FAT4: variants seen among roughly 807,000 people sequenced by gnomAD.
FAT4 encodes the protein protocadherin Fat 4.
In FAT4, 84 loss-of-function variants were observed where a neutral mutation model predicts 303.9. That is an observed-to-expected ratio of 0.28 (90% CI 0.23 to 0.33). FAT4 has a LOEUF of 0.33. Ranked by LOEUF, FAT4 falls within the 10% of genes least tolerant of loss-of-function variation. The pLI, the probability that FAT4 is intolerant of heterozygous loss-of-function variation, is 1.00. For missense variants in FAT4, 6,005 were observed against 6,146.8 expected, an observed-to-expected ratio of 0.98 and a Z score of 0.77; for synonymous variants, 2,307 against 2,298.8, an observed-to-expected ratio of 1.00 and a Z score of -0.10.
chr4:125,470,927 C>T (rs1455990474), intron 12 of FAT4, among the ~76,000 whole-genome samples: 1 of 152,140 alleles, frequency 6.6e-6, no homozygotes, highest in East Asian at 1.9e-4. Flanking sequence ...GAAATGCCTT[C>T]GTCACTAAGC....
intron 8 of FAT4, among the ~76,000 whole-genome samples, chr4:125,439,225 A>T (rs1009725751): frequency 4.6e-5 from 7 of 151,918 alleles, no homozygotes; most frequent in Non-Finnish European, 1.0e-4. Flanking sequence ...TTTTCTCCCA[A>T]CTGGACCAAA....
intron 2 of FAT4, among the ~76,000 whole-genome samples, chr4:125,337,145 A>C (rs1731607190): frequency 6.6e-6 from 1 of 152,016 alleles, no homozygotes; most frequent in Admixed American, 6.6e-5. Context: ...AGGAGATTAA[A>C]AGCAAAAGCC....
At position 125,341,406 on chromosome 4, in the gene FAT4, G is replaced by A. The variant is rs138258948; in HGVS notation, c.5175+19820G>A. Among the ~76,000 whole-genome samples, 18 of 152,154 alleles carry A rather than the reference G, an allele frequency of 1.2e-4. No individual in the cohort carries two copies. In the East Asian group the frequency reaches 2.9e-3, roughly 24 times the overall value. ...TTTTTACATTATACTTCTATTAACT[G>A]TAGAATTACTATTAGTATAGAGACC... On this transcript the variant is annotated intron_variant, in intron 2 of 17. Coordinates refer to ENST00000394329, the MANE Select transcript of FAT4 (RefSeq NM_001291303.3).
chr4:125,330,907 T>G (rs1731355207), intron 2 of FAT4, among the ~76,000 whole-genome samples: 1 of 152,150 alleles, frequency 6.6e-6, no homozygotes, highest in Non-Finnish European at 1.5e-5. Flanking sequence ...ACCTCTTTTT[T>G]CCTGATTCCC....
chr4:125,441,749 TAGTCACC>T (rs1363803312), intron 8 of FAT4, among the ~76,000 whole-genome samples: 3 of 152,196 alleles, frequency 2.0e-5, no homozygotes, highest in African/African-American at 7.2e-5. Context: ...CTTCAAATTC[TAGTCACC>T]CCATAAATGG....
intron 3 of FAT4, among the ~76,000 whole-genome samples, 157 bp downstream of exon 3, chr4:125,399,072 GT>G (rs1235659275): frequency 2.6e-5 from 4 of 152,024 alleles, no homozygotes; most frequent in African/African-American, 9.7e-5. Flanking sequence ...ACATAAAAAT[GT>G]TAAAAAAGAG....
chr4:125,433,343 G>A (rs1725343400), intron 7 of FAT4, among the ~76,000 whole-genome samples: 1 of 152,092 alleles, frequency 6.6e-6, no homozygotes, highest in Admixed American at 6.5e-5. Flanking sequence ...GAGTATCTGG[G>A]GTTTTATTTT....
intron 2 of FAT4, among the ~76,000 whole-genome samples, chr4:125,353,675 C>G (rs1373362003): frequency 1.3e-5 from 2 of 151,554 alleles, no homozygotes; most frequent in African/African-American, 4.8e-5. Flanking sequence ...TAGAAACTAT[C>G]AGTGCTGGTA....
chr4:125,355,391 C>T (rs895274623), intron 2 of FAT4, among the ~76,000 whole-genome samples: 14 of 151,846 alleles, frequency 9.2e-5, no homozygotes, highest in African/African-American at 3.4e-4. Context: ...AGAATGTGTT[C>T]CAGATATAAT....
Position 125,476,186 on chromosome 4 carries a change from G to A in FAT4, c.12229G>A (p.Val4077Met), listed in dbSNP as rs1178600591. 1.3e-6 allele frequency: 2 copies of A among 1,596,734 alleles called. No homozygotes were observed. The highest frequency in any genetic ancestry group is 1.7e-6 in the Non-Finnish European group (2 of 1,168,396). The change falls in exon 13 of 18, where the codon GTG (valine) becomes ATG (methionine). Residue 4077 changes from valine to methionine, a missense_variant. Coordinates refer to ENST00000394329, the MANE Select transcript of FAT4 (RefSeq NM_001291303.3). Reference sequence around the variant, plus strand: ...TGCTTCGTAGGCAGCCTCCTTAACTGTGGACTCCTGTTCTGAGAACCAAGA... The same window carrying A: ...TGCTTCGTAGGCAGCCTCCTTAACTATGGACTCCTGTTCTGAGAACCAAGA... The part of the protein sequence containing the change: ...RRAGMAASLT[V>M]DSCSENQEPG...
chr4:125,468,557 A>C lies in FAT4; in HGVS notation c.11951A>C (p.Glu3984Ala), dbSNP rs1726749310. 1 of 1,613,564 alleles carries C rather than the reference A, an allele frequency of 6.2e-7. No homozygotes were observed. Among genetic ancestry groups the C allele is most frequent in the Non-Finnish European group, 8.5e-7 (1 of 1,179,588 alleles). ...GAGTTGAACAGTTATGGATTTGAGGAGTTATCATACATGGAATTTCCAAGC... is the reference window on the plus strand; with the variant it reads ...GAGTTGAACAGTTATGGATTTGAGGCGTTATCATACATGGAATTTCCAAGC... ...HCELNSYGFEELSYMEFPSLD... is the reference protein window; with the variant it reads ...HCELNSYGFEALSYMEFPSLD... Residue 3984 changes from glutamate (E) to alanine (A), a missense_variant, in exon 12 of 18, where the codon GAG becomes GCG. Transcript: ENST00000394329.
chr4:125,402,293 G>GTCTT (rs1220682578), intron 3 of FAT4, among the ~76,000 whole-genome samples: 10 of 151,736 alleles, frequency 6.6e-5, no homozygotes, highest in African/African-American at 2.4e-4. Flanking sequence ...TAATTTCCAA[G>GTCTT]TACTTACTAT....
At chr4:125,383,587 A>G (rs1733619844) in intron 2 of FAT4, among the ~76,000 whole-genome samples, 1 of 152,242 alleles carries the variant, frequency 6.6e-6, no homozygotes, top group Non-Finnish European at 1.5e-5. Context: ...CAAAGGGAGC[A>G]CATGCTACTG....
At chr4:125,447,108 T>A (rs13129279) in intron 9 of FAT4, among the ~76,000 whole-genome samples, 23,434 of 152,094 alleles carry the variant, frequency 0.15, 2,180 homozygotes, top group East Asian at 0.4. Flanking sequence ...ATGGATCCAT[T>A]TATGAATCAT....
intron 2 of FAT4, among the ~76,000 whole-genome samples, chr4:125,381,033 A>C (rs1299028478): frequency 6.6e-6 from 1 of 152,158 alleles, no homozygotes; most frequent in Non-Finnish European, 1.5e-5. Context: ...AATTTCAATA[A>C]AACTAACGTT....
intron 2 of FAT4, among the ~76,000 whole-genome samples, chr4:125,388,792 A>G (rs1046540937): frequency 5.9e-5 from 9 of 152,176 alleles, no homozygotes; most frequent in Admixed American, 1.3e-4. Context: ...GTCACCACAC[A>G]TTTAGTGAGT....
chr4:125,328,986 G>A (rs1731266326), intron 2 of FAT4, among the ~76,000 whole-genome samples: 1 of 151,990 alleles, frequency 6.6e-6, no homozygotes, highest in Non-Finnish European at 1.5e-5. Flanking sequence ...AAAAATATAA[G>A]ATAAAATGAA....
Position 125,491,868 on chromosome 4 carries a change from G to C in FAT4, c.*100G>C. The C allele has an allele frequency of 8.4e-7, 1 of 1,197,120 alleles. No homozygotes were observed. The highest frequency in any genetic ancestry group is 1.2e-6 in the Non-Finnish European group (1 of 867,056). 74.2% of individuals were successfully genotyped at this position (1,197,120 alleles called of 1,614,324 possible). A position where few individuals can be genotyped will look rare whatever the true frequency, so the allele number is the denominator to read the frequency against. ...TGGGTCACATTTGAAAAACAGGCCAGTATGGACTAGTGGTGGAGGGAAAAC... is the reference window on the plus strand; with the variant it reads ...TGGGTCACATTTGAAAAACAGGCCACTATGGACTAGTGGTGGAGGGAAAAC... On this transcript the variant is annotated 3_prime_UTR_variant, in exon 18 of 18. Transcript: ENST00000394329.
At chr4:125,324,741 T>G (rs912314919) in intron 2 of FAT4, among the ~76,000 whole-genome samples, 1 of 152,156 alleles carries the variant, frequency 6.6e-6, no homozygotes, top group African/African-American at 2.4e-5. Flanking sequence ...CTTTATGCTC[T>G]TAAGAATTGT....
Sources: gnomAD v4.1 joint callset for allele counts (sites outside exome capture counted in the v4.1 genomes callset) on GRCh38, gnomAD v4.1.1 for gene constraint, MANE v1.5 for transcripts, NCBI Gene and HGNC (gene_info 2026-07-23, HGNC 2026-07-21) for gene names.